The following TRPM3 variants were observed in gnomAD, a reference collection of about 807,000 sequenced individuals.
TRPM3 encodes transient receptor potential cation channel subfamily M member 3.
Under a neutral mutation model 181.2 loss-of-function variants are expected in TRPM3, and 77 were observed. The observed-to-expected ratio is 0.42, with a 90% confidence interval of 0.35 to 0.51. The LOEUF (loss-of-function observed/expected upper bound fraction) is 0.51, where lower values mean the gene tolerates loss of function less well. TRPM3 is among the 20% of genes least tolerant of loss of function. The pLI, the probability that TRPM3 is intolerant of heterozygous loss-of-function variation, is 0.01. For synonymous variants in TRPM3, 745 were observed against 796.4 expected (o/e 0.94, Z 1.09); for missense variants, 1,759 against 2,196.7 (o/e 0.80, Z 3.98).
chr9:70,853,031 G>A (rs2095284647), intron 3 of TRPM3, among the ~76,000 whole-genome samples: 1 of 152,170 alleles, frequency 6.6e-6, no homozygotes. Context: ...TGAGGGGAGA[G>A]ACTGTGTTTG....
chr9:70,929,560 T>C (rs1422217313), intron 1 of TRPM3, among the ~76,000 whole-genome samples: 1 of 152,192 alleles, frequency 6.6e-6, no homozygotes, highest in Admixed American at 6.5e-5. Flanking sequence ...ACATGAATTG[T>C]GTTTTCCAAA....
At chr9:71,189,395 A>T (rs1250343490) in intron 1 of TRPM3, among the ~76,000 whole-genome samples, 1 of 151,872 alleles carries the variant, frequency 6.6e-6, no homozygotes, top group African/African-American at 2.4e-5. Context: ...AAAATTACCT[A>T]TATGTTACAA....
chr9:71,209,213 G>GTTGGCA (rs955030575), intron 1 of TRPM3, among the ~76,000 whole-genome samples: 31 of 152,102 alleles, frequency 2.0e-4, no homozygotes, highest in Non-Finnish European at 4.4e-4. Context: ...ATGAATGTGT[G>GTTGGCA]TTGGCATTTT....
chr9:70,542,433 T>C (rs1471399716), intron 25 of TRPM3, among the ~76,000 whole-genome samples: 1 of 152,120 alleles, frequency 6.6e-6, no homozygotes, highest in African/African-American at 2.4e-5. Context: ...ATAACTCAAG[T>C]AGTGATCAGA....
intron 1 of TRPM3, among the ~76,000 whole-genome samples, chr9:71,200,838 C>T (rs2131726972): frequency 6.6e-6 from 1 of 151,522 alleles, no homozygotes; most frequent in East Asian, 2.0e-4. Flanking sequence ...ATTTGCCAGT[C>T]TGTGTCTTTT....
At chr9:71,007,251 A>ACC (rs2097689715) in intron 1 of TRPM3, among the ~76,000 whole-genome samples, 1 of 151,766 alleles carries the variant, frequency 6.6e-6, no homozygotes, top group East Asian at 1.9e-4. Flanking sequence ...TTGACTATAA[A>ACC]ACACTAACAG....
intron 1 of TRPM3, among the ~76,000 whole-genome samples, chr9:71,338,570 G>A (rs2090736292): frequency 6.6e-6 from 1 of 152,092 alleles, no homozygotes; most frequent in African/African-American, 2.4e-5. Flanking sequence ...GAATGTATGA[G>A]TAATGAGAGA....
At chr9:70,753,728 G>A (rs188076737) in intron 8 of TRPM3, among the ~76,000 whole-genome samples, 1 of 152,104 alleles carries the variant, frequency 6.6e-6, no homozygotes, top group Non-Finnish European at 1.5e-5. Flanking sequence ...GTGGTGGGAG[G>A]GGGGAGGTAG....
intron 2 of TRPM3, among the ~76,000 whole-genome samples, 160 bp downstream of exon 2, chr9:70,864,272 A>G (rs1464220858): frequency 6.6e-6 from 1 of 152,056 alleles, no homozygotes; most frequent in Non-Finnish European, 1.5e-5. Flanking sequence ...ATGACATATT[A>G]TATAGTGTGT....
At chr9:70,591,240 G>A in intron 21 of TRPM3, 35 bp from the exon 22 acceptor site, 2 of 1,579,718 alleles carry the variant, frequency 1.3e-6, no homozygotes, top group Admixed American at 1.7e-5. Flanking sequence ...AGAAACAAGA[G>A]AAAACCCATA....
At chr9:70,577,434 C>T (rs1429007414) in intron 22 of TRPM3, among the ~76,000 whole-genome samples, 1 of 152,222 alleles carries the variant, frequency 6.6e-6, no homozygotes, top group East Asian at 1.9e-4. Context: ...CTCTGTTCTT[C>T]ATGTAGATCA....
chr9:71,331,837 G>A (rs1321751401), intron 1 of TRPM3, among the ~76,000 whole-genome samples: 71 of 101,110 alleles, frequency 7.0e-4, no homozygotes, highest in Non-Finnish European at 8.7e-4. Flanking sequence ...AAGAGGAGAG[G>A]GAGGAGGAGG....
chr9:71,206,799 C>A (rs1008579947), intron 1 of TRPM3, among the ~76,000 whole-genome samples: 12 of 152,058 alleles, frequency 7.9e-5, no homozygotes, highest in African/African-American at 2.9e-4. Flanking sequence ...CAGTTTTCTG[C>A]ATATGGCTAG....
chr9:70,803,046 A>AAAAAAAAC (rs2089629416), intron 6 of TRPM3, among the ~76,000 whole-genome samples: 1 of 142,380 alleles, frequency 7.0e-6, no homozygotes, highest in Non-Finnish European at 1.5e-5. Context: ...AAAAAAAAAA[A>AAAAAAAAC]AAAAAAAAAA....
chr9:70,864,108 G>A (rs960462911), intron 2 of TRPM3, among the ~76,000 whole-genome samples: 1 of 151,962 alleles, frequency 6.6e-6, no homozygotes, highest in Non-Finnish European at 1.5e-5. Flanking sequence ...GAACGTGTTG[G>A]TACTAACTAA....
chr9:71,409,072 A>G (rs2093492407), intron 1 of TRPM3, among the ~76,000 whole-genome samples: 2 of 152,322 alleles, frequency 1.3e-5, no homozygotes, highest in South Asian at 4.1e-4. Context: ...CGATTTTGTC[A>G]CCACCAGGCA....
chr9:70,628,816 C>CT (rs1181787389), intron 12 of TRPM3, among the ~76,000 whole-genome samples: 3 of 25,170 alleles, frequency 1.2e-4, no homozygotes, highest in Admixed American at 5.4e-4. Flanking sequence ...AAGACTCTGT[C>CT]TTAAAAAAAA....
rs148839298 is a variant in TRPM3 at position 71,344,177 on chromosome 9, C to T, written c.183+102476G>A. Among the ~76,000 whole-genome samples, 474 of 152,184 alleles carry T rather than the reference C, an allele frequency of 3.1e-3. 5 individuals carry two copies. Among genetic ancestry groups the T allele is most frequent in the African/African-American group, 0.011 (452 of 41,532 alleles). ...AAAAATTAACTGGGGCAGCTGGGCA[C>T]GGTGGCTCATGCCTTTAATCCAAGC... is the stretch of plus-strand genomic sequence containing the variant. On this transcript the variant is annotated intron_variant, in intron 1 of 24. Coordinates refer to the TRPM3 transcript ENST00000357533.
chr9:70,858,680 C>T (rs17555916), intron 3 of TRPM3, among the ~76,000 whole-genome samples: 25,457 of 151,896 alleles, frequency 0.17, 2,262 homozygotes, highest in Middle Eastern at 0.21. Context: ...CTGAGGCCAT[C>T]TAGGGCAGCC....
Sources: allele counts gnomAD v4.1 joint callset (sites outside exome capture counted in the v4.1 genomes callset), GRCh38; gene constraint gnomAD v4.1.1; transcripts MANE v1.5; gene names NCBI Gene and HGNC (gene_info 2026-07-23, HGNC 2026-07-21).